The following TCN1 variants were observed in gnomAD, a reference collection of about 807,000 sequenced individuals.
TCN1 encodes the protein transcobalamin-1.
Under a neutral mutation model 46.3 loss-of-function variants are expected in TCN1, and 47 were observed. The ratio of observed to expected loss-of-function variants is 1.01; its 90% CI spans 0.80 to 1.29. The LOEUF is 1.29. TCN1 is among the 50% of genes most tolerant of loss of function. The probability of loss-of-function intolerance (pLI) is 0.00; values close to 1 mark genes in which losing one functional copy is unlikely to be tolerated. For synonymous variants in TCN1, 183 were observed against 192.5 expected (o/e 0.95, Z 0.41); for missense variants, 532 against 511.0 (o/e 1.04, Z -0.40).
In TCN1 at chr11:59,862,620, T is replaced by C; in HGVS notation, c.362A>G (p.Lys121Arg). 6.2e-7 allele frequency: 1 copy of C among 1,613,706 alleles called. No individual in the cohort carries two copies. Among genetic ancestry groups the C allele is most frequent in the South Asian group, 1.1e-5 (1 of 91,066 alleles). Residue 121 changes from lysine (K) to arginine (R), a missense_variant, in exon 3 of 9, where the codon AAG (lysine) becomes AGG (arginine). By Grantham distance (26) the Lys-to-Arg change is conservative. Coordinates refer to ENST00000257264, the MANE Select transcript of TCN1 (RefSeq NM_001062.4). ...NLIYDYHLID[K>R]LENKFQAEIE... ...TTCTGCTTGGAATTTATTTTCTAGC[T>C]TGTCGATCAGGTGGTAATCATATAT...
intron 3 of TCN1, 101 bp downstream of exon 3, chr11:59,862,481 G>A (rs990596633): frequency 1.7e-5 from 24 of 1,405,598 alleles, no homozygotes; most frequent in East Asian, 9.2e-5. Context: ...TGAGATGAAC[G>A]GGATGAAGAG....
intron 2 of TCN1, 120 bp downstream of exon 2, chr11:59,863,787 G>C: frequency 8.9e-7 from 1 of 1,123,440 alleles, no homozygotes; most frequent in Non-Finnish European, 1.3e-6. Flanking sequence ...CTCAAGTTTG[G>C]TACCATTAGA....
chr11:59,859,725 CA>C (rs1301140487), intron 4 of TCN1, among the ~76,000 whole-genome samples: 1 of 152,172 alleles, frequency 6.6e-6, no homozygotes, highest in Non-Finnish European at 1.5e-5. Flanking sequence ...GACTTAAAGC[CA>C]AGCTCCTGGA....
At chr11:59,866,139 C>T (rs1397420332) in intron 1 of TCN1, among the ~76,000 whole-genome samples, 1 of 152,138 alleles carries the variant, frequency 6.6e-6, no homozygotes, top group Non-Finnish European at 1.5e-5. Flanking sequence ...GGTAGGGATG[C>T]TGTGCTAGAG....
chr11:59,858,547 A>G (rs1044057617), intron 5 of TCN1, among the ~76,000 whole-genome samples: 11 of 152,210 alleles, frequency 7.2e-5, no homozygotes, highest in African/African-American at 1.7e-4. Context: ...AGCATTGGCT[A>G]TGGGGAAGTA....
Position 59,853,241 on chromosome 11 carries a change from T to G in TCN1, c.1202A>C (p.Tyr401Ser). ...TTCGCCTCCACTCAGAAGTTCCCAG[T>G]AGGTTCTGTCATTATTGTTGGCACA... is the stretch of plus-strand genomic sequence containing the variant. ...GLCANNNDRT[Y>S]WELLSGGEPL... The change falls in exon 8 of 9, where the codon TAC becomes TCC. Residue 401 changes from tyrosine (Y) to serine (S), a missense_variant. Tyr to Ser is a moderately radical substitution (Grantham distance 144, BLOSUM62 -2). Coordinates refer to ENST00000257264, the MANE Select transcript of TCN1 (RefSeq NM_001062.4). 11 of 1,614,132 alleles carry G rather than the reference T, an allele frequency of 6.8e-6. No homozygotes were observed. Among genetic ancestry groups the G allele is most frequent in the Non-Finnish European group, 9.3e-6 (11 of 1,180,016 alleles).
At position 59,861,691 on chromosome 11, in the gene TCN1, G is replaced by A. The variant is rs66980105; in HGVS notation, c.401-9C>T. On this transcript the variant is annotated splice_polypyrimidine_tract_variant and intron_variant, in intron 3 of 8. Transcript: ENST00000257264. ...AGTGCCATTGTGTGCTTCTAGAAAA[G>A]AGAAGAAATACCTCCCTTAATCATG... is the stretch of plus-strand genomic sequence containing the variant. 1,618 of 1,613,882 alleles carry A rather than the reference G, an allele frequency of 1.0e-3. 13 individuals are homozygous for A. In the African/African-American group the frequency reaches 0.017, roughly 17 times the overall value.
At chr11:59,865,011 G>C (rs1853057559) in intron 1 of TCN1, among the ~76,000 whole-genome samples, 1 of 152,118 alleles carries the variant, frequency 6.6e-6, no homozygotes. Context: ...AATTGTGGCT[G>C]TTAACACTTA....
At chr11:59,858,704 C>T (rs1852977491) in intron 5 of TCN1, among the ~76,000 whole-genome samples, 1 of 152,200 alleles carries the variant, frequency 6.6e-6, no homozygotes, top group Non-Finnish European at 1.5e-5. Flanking sequence ...CGCAGTGGCC[C>T]ACACCTGTAA....
chr11:59,861,421 A>G (rs1853012750), intron 4 of TCN1, 106 bp downstream of exon 4: 5 of 1,254,358 alleles, frequency 4.0e-6, no homozygotes, highest in African/African-American at 1.5e-5. Flanking sequence ...TAGAGCAAAG[A>G]GGGTAGAAAA....
intron 1 of TCN1, among the ~76,000 whole-genome samples, chr11:59,866,049 A>T (rs1853070529): frequency 6.6e-6 from 1 of 152,222 alleles, no homozygotes; most frequent in Admixed American, 6.5e-5. Flanking sequence ...AGACCAAAAG[A>T]TAACTTTCCA....
chr11:59,861,038 G>T (rs887555829), intron 4 of TCN1, among the ~76,000 whole-genome samples: 2 of 152,274 alleles, frequency 1.3e-5, no homozygotes, highest in African/African-American at 4.8e-5. Context: ...ATTTCCCAAG[G>T]TGAATATACA....
chr11:59,866,409 TGG>T lies in TCN1; in HGVS notation c.60_61del (p.Ser20ArgfsTer7). ...TTACTCACCACAAATCTCGCATAGT[TGG>T]CTTGGAATAAAAGAAAACAGTAAGA... On this transcript the variant is annotated frameshift_variant, in exon 1 of 9. Coordinates refer to ENST00000257264, the MANE Select transcript of TCN1 (RefSeq NM_001062.4). LOFTEE classifies it high-confidence loss of function. The T allele has an allele frequency of 6.2e-7, 1 of 1,613,486 alleles. No individual in the cohort carries two copies. The highest frequency in any genetic ancestry group is 1.1e-5 in the South Asian group (1 of 91,066).
intron 4 of TCN1, among the ~76,000 whole-genome samples, chr11:59,860,336 C>T (rs529460394): frequency 2.5e-4 from 38 of 151,648 alleles, no homozygotes; most frequent in Admixed American, 1.7e-3. Flanking sequence ...ACCATGTTGG[C>T]GAGGCTGGTC....
intron 2 of TCN1, 108 bp from the exon 3 acceptor site, chr11:59,862,830 T>G: frequency 8.1e-7 from 1 of 1,241,878 alleles, no homozygotes; most frequent in Non-Finnish European, 1.2e-6. Context: ...TCTGTTGCGC[T>G]CTATACAGTC....
At chr11:59,863,449 A>G (rs543922082) in intron 2 of TCN1, among the ~76,000 whole-genome samples, 1 of 152,196 alleles carries the variant, frequency 6.6e-6, no homozygotes, top group Admixed American at 6.5e-5. Context: ...TAATAATATT[A>G]TGAGGTAGGT....
Position 59,856,073 on chromosome 11 carries a change from TGGGGTGG to T in TCN1, c.748-22_748-16del. ...ACAAAGAGGGCCTAATGAGGCAGGG[TGGGGTGG>T]GGGGGTGATGAGAGATAAAGAGAGA... On this transcript the variant is annotated splice_polypyrimidine_tract_variant and intron_variant, in intron 5 of 8. Transcript: ENST00000257264. The T allele has an allele frequency of 3.7e-6, 1 of 270,388 alleles. No individual in the cohort carries two copies. The highest frequency in any genetic ancestry group is 6.9e-6 in the Non-Finnish European group (1 of 145,920). 16.7% of individuals were successfully genotyped at this position (270,388 alleles called of 1,614,324 possible).
Position 59,863,917 on chromosome 11 carries a change from C to T in TCN1, c.249G>A (p.Val83=). ...QKMIQQIKYN[V]KSRLSDVSSG... is the part of the protein sequence containing the mutation. The stretch of plus-strand genomic sequence containing the variant: ...TATACAGCAACTTACATCTGCTTTT[C>T]ACATTGTATTTGATTTGTTGGATCA... Residue 83 remains valine, a synonymous_variant, in exon 2 of 9, where the codon GTG becomes GTA. Coordinates refer to ENST00000257264, the MANE Select transcript of TCN1 (RefSeq NM_001062.4). The T allele has an allele frequency of 3.7e-6, 6 of 1,613,786 alleles. No individual in the cohort carries two copies. The highest frequency in any genetic ancestry group is 1.1e-5 in the South Asian group (1 of 91,072).
At chr11:59,854,564 A>G in intron 7 of TCN1, 88 bp downstream of exon 7, 1 of 1,401,960 alleles carries the variant, frequency 7.1e-7, no homozygotes, top group South Asian at 1.2e-5. Flanking sequence ...CATTTTAAAT[A>G]TACTTTGTAT....
Sources: gnomAD v4.1 joint callset for allele counts (sites outside exome capture counted in the v4.1 genomes callset) on GRCh38, gnomAD v4.1.1 for gene constraint, MANE v1.5 for transcripts, NCBI Gene and HGNC (gene_info 2026-07-23, HGNC 2026-07-21) for gene names.